VDR: variants seen among roughly 807,000 people sequenced by gnomAD.
The protein encoded by VDR is vitamin D receptor.
VDR carries 19 observed loss-of-function variants against 39.7 expected under a neutral mutation model. That is an observed-to-expected ratio of 0.48 (90% CI 0.33 to 0.70). The LOEUF (loss-of-function observed/expected upper bound fraction) is 0.70. VDR is among the 30% of genes least tolerant of loss of function. VDR has a pLI of 0.02. For synonymous variants in VDR, 242 were observed against 215.8 expected (o/e 1.12, Z -1.07); for missense variants, 442 against 570.5 (o/e 0.77, Z 2.29).
At chr12:47,858,356 G>A (rs12308082) in intron 4 of VDR, among the ~76,000 whole-genome samples, 3,354 of 152,302 alleles carry the variant, frequency 0.022, 118 homozygotes, top group African/African-American at 0.073. Context: ...TGGGACTGTG[G>A]AATATAGAAA....
At chr12:47,876,605 G>A (rs998501237) in intron 3 of VDR, among the ~76,000 whole-genome samples, 3 of 152,204 alleles carry the variant, frequency 2.0e-5, no homozygotes, top group Non-Finnish European at 4.4e-5. Flanking sequence ...ACTAAGAGTG[G>A]GTTAAGGTGG....
At chr12:47,893,135 C>T (rs895054789) in intron 1 of VDR, among the ~76,000 whole-genome samples, 1 of 152,134 alleles carries the variant, frequency 6.6e-6, no homozygotes, top group African/African-American at 2.4e-5. Flanking sequence ...CAAGTTAAAC[C>T]CAGTGAGTCT....
chr12:47,846,095 C>T (rs1945273910), intron 9 of VDR, among the ~76,000 whole-genome samples: 1 of 152,244 alleles, frequency 6.6e-6, no homozygotes, highest in Non-Finnish European at 1.5e-5. Context: ...TATCTAGTTC[C>T]TCAGAATCCC....
intron 6 of VDR, 63 bp downstream of exon 6, chr12:47,857,066 G>A (rs1219434618): frequency 5.6e-6 from 9 of 1,609,466 alleles, no homozygotes; most frequent in South Asian, 1.1e-5. Context: ...CAGCCCCAGG[G>A]CAGGTGCGGT....
rs1438773277 is a variant in VDR, at chr12:47,843,261, C to T, written c.*1485G>A. The T allele has an allele frequency of 6.6e-6, 1 of 152,288 alleles. No individual in the cohort carries two copies. The highest frequency in any genetic ancestry group is 2.4e-5 in the African/African-American group (1 of 41,414). The allele number at this position is 152,288 out of a possible 1,614,324, so 9.4% of individuals were successfully genotyped here. ...GATTCCTCTCTGGGTTTTCAGGGAACTACGGATGCAGGTGCAAGGACACAG... is the reference window on the plus strand; with the variant it reads ...GATTCCTCTCTGGGTTTTCAGGGAATTACGGATGCAGGTGCAAGGACACAG... On this transcript the variant is annotated 3_prime_UTR_variant, in exon 10 of 10. Coordinates refer to ENST00000549336, the MANE Select transcript of VDR (RefSeq NM_000376.3).
intron 3 of VDR, among the ~76,000 whole-genome samples, 197 bp from the exon 4 acceptor site, chr12:47,865,374 A>G (rs904029154): frequency 1.3e-5 from 2 of 152,166 alleles, no homozygotes. Context: ...TTGCCTGCCC[A>G]GCTCCAATCA....
chr12:47,901,966 G>A (rs1285974673), intron 1 of VDR, among the ~76,000 whole-genome samples: 1 of 152,206 alleles, frequency 6.6e-6, no homozygotes, highest in Non-Finnish European at 1.5e-5. Context: ...GACGAGAATT[G>A]GCTGATAACA....
rs11574072 is a variant in VDR, at chr12:47,863,849, C to T, written c.277+1198G>A. Reference sequence around the variant, plus strand: ...CAAAGAGGAAGCCCAGGGTCAGGGCCTCAGCTCTGCCTCTGTGTCCCAACA... The same window carrying T: ...CAAAGAGGAAGCCCAGGGTCAGGGCTTCAGCTCTGCCTCTGTGTCCCAACA... On this transcript the variant is annotated intron_variant, in intron 4 of 9. Coordinates refer to ENST00000549336, the MANE Select transcript of VDR (RefSeq NM_000376.3). 1.8e-3 allele frequency among the ~76,000 whole-genome samples: 267 copies of T among 152,320 alleles called. 3 individuals carry two copies. Among genetic ancestry groups the T allele is most frequent in the African/African-American group, 6.2e-3 (256 of 41,566 alleles).
At chr12:47,871,289 TTTC>T in intron 3 of VDR, among the ~76,000 whole-genome samples, 1 of 125,776 alleles carries the variant, frequency 8.0e-6, no homozygotes, top group African/African-American at 2.7e-5. Flanking sequence ...TTTCTTTCTC[TTTC>T]TCTTTCTTTC....
chr12:47,843,884 C>G lies in VDR; in HGVS notation c.*862G>C, dbSNP rs1945218079. The G allele has an allele frequency of 6.6e-6, 1 of 152,152 alleles. No individual in the cohort carries two copies. Among genetic ancestry groups the G allele is most frequent in the Non-Finnish European group, 1.5e-5 (1 of 68,036 alleles). The allele number at this position is 152,152 out of a possible 1,614,324, so 9.4% of individuals were successfully genotyped here. Reference sequence around the variant, plus strand: ...GGGAGGGGGTGGGGGAGCAGGCTCTCGGCTACTCTCGGTGATCCGAGGAGG... The same window carrying G: ...GGGAGGGGGTGGGGGAGCAGGCTCTGGGCTACTCTCGGTGATCCGAGGAGG... On this transcript the variant is annotated 3_prime_UTR_variant, in exon 10 of 10. Coordinates refer to ENST00000549336, the MANE Select transcript of VDR (RefSeq NM_000376.3).
chr12:47,858,125 A>G (rs1592108513), intron 4 of VDR, among the ~76,000 whole-genome samples: 1 of 152,112 alleles, frequency 6.6e-6, no homozygotes, highest in Non-Finnish European at 1.5e-5. Context: ...AAGTAATAAT[A>G]CCTGCCTCAA....
chr12:47,882,744 G>A lies in VDR; in HGVS notation c.-53C>T, dbSNP rs757975586. On this transcript the variant is annotated 5_prime_UTR_variant, in exon 2 of 10. Transcript: ENST00000549336. ...GGAGCCCAGGGGTGCTCTTCTGTGA[G>A]GTCTCACAGACACTTCAGACCCAAA... The A allele has an allele frequency of 1.6e-5, 25 of 1,533,766 alleles. No individual in the cohort carries two copies. The Admixed American group carries it at 2.4e-4, about 14-fold the overall frequency.
chr12:47,884,220 C>T (rs1276139060), intron 1 of VDR, among the ~76,000 whole-genome samples: 1 of 152,200 alleles, frequency 6.6e-6, no homozygotes, highest in Non-Finnish European at 1.5e-5. Flanking sequence ...TCAGAGGTGA[C>T]ATCCAGATAG....
chr12:47,847,961 G>A (rs903370502), intron 7 of VDR, among the ~76,000 whole-genome samples: 3 of 151,758 alleles, frequency 2.0e-5, no homozygotes, highest in Non-Finnish European at 4.4e-5. Flanking sequence ...GTGCAGTGGC[G>A]CGATCTCGGC....
intron 1 of VDR, among the ~76,000 whole-genome samples, chr12:47,889,338 C>T (rs1272239011): frequency 2.6e-5 from 4 of 152,106 alleles, no homozygotes; most frequent in African/African-American, 9.6e-5. Context: ...CTGGTGTGTA[C>T]TCTCCCTTTG....
intron 7 of VDR, among the ~76,000 whole-genome samples, chr12:47,849,607 G>C (rs1482065816): frequency 6.6e-6 from 1 of 152,174 alleles, no homozygotes; most frequent in East Asian, 1.9e-4. Flanking sequence ...TCCTCCTTCA[G>C]ATAGTCTAAT....
Position 47,904,462 on chromosome 12 carries a change from T to TAAAAAAAAAAAAAAAA in VDR, c.-84+477_-84+492dup, listed in dbSNP as rs17886628. ...AACTCATTGGTAGTTCAAAGAAAAG[T>TAAAAAAAAAAAAAAAA]AAAAAAAAAAAAAAAAAAAAAAAAA... On this transcript the variant is annotated intron_variant, in intron 1 of 9. Transcript: ENST00000549336. 3.2e-4 allele frequency: 114 copies of TAAAAAAAAAAAAAAAA among 360,258 alleles called. No homozygotes were observed. In the East Asian group the frequency reaches 3.2e-3, roughly 10 times the overall value. 22.3% of individuals were successfully genotyped at this position (360,258 alleles called of 1,614,324 possible).
intron 4 of VDR, among the ~76,000 whole-genome samples, chr12:47,863,260 C>A (rs1228597088): frequency 1.3e-5 from 2 of 152,172 alleles, no homozygotes; most frequent in South Asian, 4.1e-4. Context: ...GCTTTCTGAC[C>A]CCAGACCTGA....
chr12:47,852,021 T>G (rs935262440), intron 7 of VDR, among the ~76,000 whole-genome samples: 5 of 152,160 alleles, frequency 3.3e-5, no homozygotes, highest in Admixed American at 3.3e-4. Flanking sequence ...GCTATTTGTG[T>G]CAGGGTACAT....
Sources: allele counts gnomAD v4.1 joint callset (sites outside exome capture counted in the v4.1 genomes callset), GRCh38; gene constraint gnomAD v4.1.1; transcripts MANE v1.5; gene names NCBI Gene and HGNC (gene_info 2026-07-23, HGNC 2026-07-21).